SOX6: variants seen among roughly 807,000 people sequenced by gnomAD.
SOX6 encodes SRY-box transcription factor 6.
SOX6 carries 11 observed loss-of-function variants against 97.8 expected under a neutral mutation model. The observed-to-expected ratio is 0.11, with a 90% CI of 0.07 to 0.19. The LOEUF (loss-of-function observed/expected upper bound fraction) is 0.19. Ranked by LOEUF, SOX6 falls within the 10% of genes least tolerant of loss-of-function variation. SOX6 has a pLI of 1.00. For synonymous variants in SOX6, 360 were observed against 371.4 expected (o/e 0.97, Z 0.35); for missense variants, 810 against 1,039.5 (o/e 0.78, Z 3.04).
chr11:16,376,922 A>G (rs549983426), intron 1 of SOX6, among the ~76,000 whole-genome samples: 46 of 151,986 alleles, frequency 3.0e-4, no homozygotes, highest in African/African-American at 1.1e-3. Flanking sequence ...TATATGAAGT[A>G]GAAGAGAAGG....
At chr11:16,664,576 A>G (rs1847791127) in intron 3 of SOX6, among the ~76,000 whole-genome samples, 1 of 152,230 alleles carries the variant, frequency 6.6e-6, no homozygotes, top group East Asian at 1.9e-4. Flanking sequence ...CTGCAGGCTA[A>G]TGTCCTCTAG....
rs567837117 is a variant in SOX6 at position 16,160,114 on chromosome 11, G to C, written c.777+23772C>G. Reference sequence around the variant, plus strand: ...GGGTTCTCTAAAAGCTACAAGATAGGTTTACGGTTTAAGGTACAAGATATT... The same window carrying C: ...GGGTTCTCTAAAAGCTACAAGATAGCTTTACGGTTTAAGGTACAAGATATT... On this transcript the variant is annotated intron_variant, in intron 6 of 15. Transcript: ENST00000683767. Among the ~76,000 whole-genome samples the C allele has an allele frequency of 1.4e-3, 218 of 152,244 alleles. 3 individuals carry two copies. The highest frequency in any genetic ancestry group is 5.1e-3 in the African/African-American group (211 of 41,544).
intron 3 of SOX6, among the ~76,000 whole-genome samples, chr11:16,651,119 G>T (rs1847644300): frequency 6.6e-6 from 1 of 151,868 alleles, no homozygotes; most frequent in Non-Finnish European, 1.5e-5. Context: ...GATTAAAAGA[G>T]TAATTTTTAA....
At chr11:16,006,145 T>G (rs1023859994) in intron 13 of SOX6, among the ~76,000 whole-genome samples, 5 of 152,138 alleles carry the variant, frequency 3.3e-5, no homozygotes, top group African/African-American at 1.2e-4. Flanking sequence ...CTAAGCTTTC[T>G]CATGTTATAA....
chr11:15,988,889 C>T (rs535719134), intron 14 of SOX6, 108 bp downstream of exon 14: 15 of 1,156,234 alleles, frequency 1.3e-5, no homozygotes, highest in South Asian at 9.6e-5. Flanking sequence ...AACTTGCGCC[C>T]GCCACAATCT....
chr11:16,644,485 A>C (rs1452439708), intron 3 of SOX6, among the ~76,000 whole-genome samples: 1 of 152,202 alleles, frequency 6.6e-6, no homozygotes. Flanking sequence ...TCTCTACCAC[A>C]TGTATCTTCA....
intron 3 of SOX6, among the ~76,000 whole-genome samples, chr11:16,247,011 T>TTA (rs1219244144): frequency 6.6e-6 from 1 of 152,104 alleles, no homozygotes; most frequent in Non-Finnish European, 1.5e-5. Context: ...CTCTTTTTCA[T>TTA]TATATATATT....
At chr11:16,359,182 G>A (rs539349293), upstream of SOX6, among the ~76,000 whole-genome samples, 2 of 152,050 alleles carry the variant, frequency 1.3e-5, no homozygotes, top group East Asian at 1.9e-4. Flanking sequence ...TCCTCAGAAC[G>A]AGAAGTTTGT....
chr11:16,496,178 A>C (rs1195830572), intron 4 of SOX6, among the ~76,000 whole-genome samples: 2 of 152,240 alleles, frequency 1.3e-5, no homozygotes, highest in African/African-American at 4.8e-5. Context: ...ATGAAAAAGC[A>C]AGGAAATATG....
chr11:16,502,884 T>C (rs189740866), intron 4 of SOX6, among the ~76,000 whole-genome samples: 2 of 152,216 alleles, frequency 1.3e-5, no homozygotes, highest in Non-Finnish European at 1.5e-5. Flanking sequence ...CCCAGAGAGA[T>C]GCAAGTTAAA....
At chr11:16,661,629 C>T (rs10832667) in intron 3 of SOX6, among the ~76,000 whole-genome samples, 41,179 of 151,842 alleles carry the variant, frequency 0.27, 6,304 homozygotes, top group East Asian at 0.53. Context: ...CTCATCACAG[C>T]CTCAAACTCC....
At chr11:16,448,751 G>A (rs1049018641) in intron 1 of SOX6, among the ~76,000 whole-genome samples, 23 of 151,988 alleles carry the variant, frequency 1.5e-4, no homozygotes, top group African/African-American at 5.6e-4. Context: ...TATATTACAG[G>A]GCAAGTACAG....
At chr11:16,561,752 T>C (rs1275839184) in intron 4 of SOX6, among the ~76,000 whole-genome samples, 1 of 152,126 alleles carries the variant, frequency 6.6e-6, no homozygotes, top group Non-Finnish European at 1.5e-5. Context: ...CTTTAATAGA[T>C]GGTCTCTCAC....
intron 3 of SOX6, among the ~76,000 whole-genome samples, chr11:16,251,572 A>G (rs1312878051): frequency 1.3e-5 from 2 of 152,158 alleles, no homozygotes; most frequent in Admixed American, 6.5e-5. Context: ...ATAGTGCTAT[A>G]TAAAGATATT....
At chr11:16,604,600 C>A (rs1296669733) in intron 4 of SOX6, among the ~76,000 whole-genome samples, 1 of 152,168 alleles carries the variant, frequency 6.6e-6, no homozygotes, top group African/African-American at 2.4e-5. Context: ...GGAGCCCAGC[C>A]CAGTTTGCCG....
chr11:16,030,351 A>G (rs763720729), intron 12 of SOX6, among the ~76,000 whole-genome samples: 1 of 152,222 alleles, frequency 6.6e-6, no homozygotes, highest in Non-Finnish European at 1.5e-5. Context: ...TGACAATTAT[A>G]GTTTCTCAAC....
chr11:16,475,546 A>T (rs993753143), intron 1 of SOX6, among the ~76,000 whole-genome samples: 28 of 152,298 alleles, frequency 1.8e-4, no homozygotes, highest in African/African-American at 6.7e-4. Context: ...AACAATCAGA[A>T]TACACACAAT....
Position 16,015,057 on chromosome 11 carries a change from G to A in SOX6, c.1624-7C>T, listed in dbSNP as rs754860559. 1 of 1,611,156 alleles carries A rather than the reference G, an allele frequency of 6.2e-7. No homozygotes were observed. Among genetic ancestry groups the A allele is most frequent in the Non-Finnish European group, 8.5e-7 (1 of 1,177,986 alleles). Reference sequence around the variant, plus strand: ...TCTCAAAGCGCGTTCTTTCCTAGAGGAACAAATAATCAGAGGCTTATTCTA... The same window carrying A: ...TCTCAAAGCGCGTTCTTTCCTAGAGAAACAAATAATCAGAGGCTTATTCTA... On this transcript the variant is annotated splice_region_variant and splice_polypyrimidine_tract_variant and intron_variant, in intron 12 of 15. Coordinates refer to ENST00000683767, the MANE Select transcript of SOX6 (RefSeq NM_001367873.1).
chr11:16,592,155 C>T (rs762676215), intron 4 of SOX6, among the ~76,000 whole-genome samples: 11 of 151,666 alleles, frequency 7.3e-5, no homozygotes, highest in Non-Finnish European at 1.3e-4. Flanking sequence ...GGTTCATGAG[C>T]GTTTTGCTAA....
Sources: allele counts gnomAD v4.1 joint callset (sites outside exome capture counted in the v4.1 genomes callset), GRCh38; gene constraint gnomAD v4.1.1; transcripts MANE v1.5; gene names NCBI Gene and HGNC (gene_info 2026-07-23, HGNC 2026-07-21).